Variants in DLG2 observed in about 807,000 individuals in gnomAD.
DLG2 encodes disks large homolog 2.
A neutral mutation model predicts 132.5 loss-of-function variants in DLG2; 45 were observed. The ratio of observed to expected loss-of-function variants is 0.34; its 90% confidence interval spans 0.27 to 0.44. The LOEUF (loss-of-function observed/expected upper bound fraction) is 0.44, where lower values mean the gene tolerates loss of function less well. Among genes scored for constraint, DLG2 ranks in the 20% least tolerant of loss-of-function variants. DLG2 has a pLI of 1.00. For synonymous variants in DLG2, 424 were observed against 419.6 expected (o/e 1.01, Z -0.13); for missense variants, 1,045 against 1,196.9 (o/e 0.87, Z 1.87).
intron 7 of DLG2, among the ~76,000 whole-genome samples, chr11:84,431,352 T>C (rs1231343180): frequency 6.6e-6 from 1 of 152,158 alleles, no homozygotes; most frequent in African/African-American, 2.4e-5. Flanking sequence ...TAAAAACTAG[T>C]AGTAATAATC....
intron 4 of DLG2, among the ~76,000 whole-genome samples, chr11:85,167,110 A>AC (rs1282643202): frequency 6.6e-6 from 1 of 152,120 alleles, no homozygotes; most frequent in Non-Finnish European, 1.5e-5. Context: ...TCCTTGCAGG[A>AC]ACCAAAAGCC....
chr11:84,568,836 C>T (rs550635064), intron 6 of DLG2, among the ~76,000 whole-genome samples: 1 of 152,182 alleles, frequency 6.6e-6, no homozygotes, highest in Non-Finnish European at 1.5e-5. Context: ...AATAGCTACT[C>T]AACTCAGCCA....
chr11:83,865,285 AC>A (rs554031759), intron 16 of DLG2, among the ~76,000 whole-genome samples: 118 of 152,194 alleles, frequency 7.8e-4, no homozygotes, highest in African/African-American at 2.6e-3. Context: ...CAGACACATG[AC>A]CTTGGGGAAG....
At chr11:85,069,600 G>C (rs1228948882) in intron 6 of DLG2, among the ~76,000 whole-genome samples, 1 of 152,138 alleles carries the variant, frequency 6.6e-6, no homozygotes, top group Non-Finnish European at 1.5e-5. Context: ...AAACCACAAT[G>C]AGATACCATC....
Position 84,667,081 on chromosome 11 carries a change from G to A in DLG2, c.358-132350C>T, listed in dbSNP as rs112750143. ...GAGAATGCCACAATTTAAAATATCC[G>A]TTATGTGAGTGTTAGTTATTATTAT... On this transcript the variant is annotated intron_variant, in intron 6 of 27. Transcript: ENST00000376104. Among the ~76,000 whole-genome samples the A allele has an allele frequency of 8.3e-3, 1,258 of 152,014 alleles. 18 individuals carry two copies. Among genetic ancestry groups the A allele is most frequent in the African/African-American group, 0.028 (1,170 of 41,466 alleles).
At chr11:85,481,491 G>A (rs565760017) in intron 3 of DLG2, among the ~76,000 whole-genome samples, 1 of 152,250 alleles carries the variant, frequency 6.6e-6, no homozygotes, top group Non-Finnish European at 1.5e-5. Flanking sequence ...CCAACTCCAG[G>A]CAGCACAGGG....
At chr11:85,274,691 AT>A (rs768444543) in intron 4 of DLG2, among the ~76,000 whole-genome samples, 2 of 152,212 alleles carry the variant, frequency 1.3e-5, no homozygotes, top group Non-Finnish European at 2.9e-5. Flanking sequence ...AAGGTGGGTC[AT>A]AAAAACACAA....
At chr11:85,055,785 A>C (rs2063391990) in intron 6 of DLG2, among the ~76,000 whole-genome samples, 1 of 152,150 alleles carries the variant, frequency 6.6e-6, no homozygotes. Context: ...GAGAGTAAAA[A>C]AATGGGTTCA....
intron 6 of DLG2, among the ~76,000 whole-genome samples, chr11:85,105,995 A>G (rs199748799): frequency 6.1e-5 from 1 of 16,378 alleles, no homozygotes; most frequent in Admixed American, 5.3e-4. Flanking sequence ...CCAAAAAAAG[A>G]AAAAAAAAAA....
chr11:84,337,517 T>C (rs1198941598), intron 7 of DLG2, among the ~76,000 whole-genome samples: 1 of 152,224 alleles, frequency 6.6e-6, no homozygotes, highest in African/African-American at 2.4e-5. Flanking sequence ...CTGCAAAAAG[T>C]ACTATCAGAT....
chr11:84,660,022 C>A (rs2099692799), intron 6 of DLG2, among the ~76,000 whole-genome samples: 1 of 152,014 alleles, frequency 6.6e-6, no homozygotes, highest in Admixed American at 6.6e-5. Context: ...AAAATATTAC[C>A]AACCAGGAAA....
intron 7 of DLG2, among the ~76,000 whole-genome samples, chr11:84,260,990 C>G (rs1020022456): frequency 3.9e-5 from 6 of 152,150 alleles, no homozygotes; most frequent in African/African-American, 1.4e-4. Context: ...TTCACTGATT[C>G]ACTCTATGTG....
At chr11:84,530,553 T>C (rs1349077068) in intron 7 of DLG2, among the ~76,000 whole-genome samples, 1 of 152,158 alleles carries the variant, frequency 6.6e-6, no homozygotes, top group East Asian at 1.9e-4. Context: ...ATTTGAGTAA[T>C]GCAAATCAAA....
intron 6 of DLG2, among the ~76,000 whole-genome samples, chr11:84,829,185 A>G (rs1007323418): frequency 6.6e-6 from 1 of 151,640 alleles, no homozygotes; most frequent in Non-Finnish European, 1.5e-5. Flanking sequence ...TTCCTGTGTG[A>G]GGAATATACC....
At chr11:84,530,113 C>T (rs191470870) in intron 7 of DLG2, among the ~76,000 whole-genome samples, 2 of 152,232 alleles carry the variant, frequency 1.3e-5, no homozygotes, top group East Asian at 1.9e-4. Context: ...AAACTGAACC[C>T]CTTCCTTATA....
intron 7 of DLG2, among the ~76,000 whole-genome samples, chr11:84,391,641 A>C (rs943914864): frequency 3.9e-5 from 6 of 152,190 alleles, no homozygotes; most frequent in Non-Finnish European, 7.3e-5. Context: ...ATTTGTCTGA[A>C]TACTTCCTGA....
At chr11:85,569,376 G>A (rs1438166866) in intron 3 of DLG2, among the ~76,000 whole-genome samples, 3 of 152,072 alleles carry the variant, frequency 2.0e-5, no homozygotes, top group African/African-American at 7.2e-5. Flanking sequence ...GTTTCCCTCT[G>A]AGCACTGGTT....
chr11:85,508,717 G>T (rs1327565674), intron 3 of DLG2, among the ~76,000 whole-genome samples: 1 of 151,982 alleles, frequency 6.6e-6, no homozygotes, highest in Non-Finnish European at 1.5e-5. Flanking sequence ...ACAGTAGAGG[G>T]TAAAAGTATT....
intron 6 of DLG2, among the ~76,000 whole-genome samples, chr11:84,952,494 G>A (rs2051089253): frequency 6.6e-6 from 1 of 151,858 alleles, no homozygotes; most frequent in Non-Finnish European, 1.5e-5. Context: ...TCCCGCCTGG[G>A]CGACAGAACG....
Sources: allele counts gnomAD v4.1 joint callset (sites outside exome capture counted in the v4.1 genomes callset), GRCh38; gene constraint gnomAD v4.1.1; transcripts MANE v1.5; gene names NCBI Gene and HGNC (gene_info 2026-07-23, HGNC 2026-07-21).